MAN1C1: variants seen among roughly 807,000 people sequenced by gnomAD.
The protein encoded by MAN1C1 is mannosidase alpha class 1C member 1, also known as mannosyl-oligosaccharide 1,2-alpha-mannosidase IC.
In MAN1C1, 49 loss-of-function variants were observed where a neutral mutation model predicts 71.5. The ratio of observed to expected loss-of-function variants is 0.69; its 90% confidence interval spans 0.54 to 0.87. MAN1C1 has a LOEUF of 0.87. MAN1C1 is among the 40% of genes least tolerant of loss of function. The pLI is 0.00. For missense variants in MAN1C1, 743 were observed against 835.0 expected, an observed-to-expected ratio of 0.89 and a Z score of 1.36; for synonymous variants, 352 against 343.7, an observed-to-expected ratio of 1.02 and a Z score of -0.27.
chr1:25,783,797 TCCTGCCGCCGC>T lies in MAN1C1; in HGVS notation c.*13_*23del, dbSNP rs2047731083. 5 of 1,607,948 alleles carry T rather than the reference TCCTGCCGCCGC, an allele frequency of 3.1e-6. No homozygotes were observed. In the East Asian group the frequency reaches 8.9e-5, roughly 29 times the overall value. On this transcript the variant is annotated 3_prime_UTR_variant, in exon 12 of 12. Coordinates refer to ENST00000374332, the MANE Select transcript of MAN1C1 (RefSeq NM_020379.4). ...GCCTGGGGCAGACACTGACCCCATCTCCTGCCGCCGCCCTGGGGCCGCCGCAGGGATGCCTT... is the reference window on the plus strand; with the variant it reads ...GCCTGGGGCAGACACTGACCCCATCTCCTGGGGCCGCCGCAGGGATGCCTT...
chr1:25,729,483 T>C (rs2046880456), intron 2 of MAN1C1, among the ~76,000 whole-genome samples: 1 of 151,806 alleles, frequency 6.6e-6, no homozygotes, highest in South Asian at 2.1e-4. Flanking sequence ...TCTTCTTTTT[T>C]TTTTTTTTGA....
intron 1 of MAN1C1, among the ~76,000 whole-genome samples, chr1:25,667,577 A>T (rs1053401666): frequency 9.2e-5 from 14 of 151,780 alleles, no homozygotes; most frequent in Admixed American, 3.9e-4. Flanking sequence ...GTTCATCACG[A>T]TTACAGCCTT....
At chr1:25,651,064 G>A (rs923493282) in intron 1 of MAN1C1, among the ~76,000 whole-genome samples, 3 of 152,178 alleles carry the variant, frequency 2.0e-5, no homozygotes, top group Non-Finnish European at 2.9e-5. Context: ...AGCTTGGTAG[G>A]AGAGATTGCC....
intron 1 of MAN1C1, among the ~76,000 whole-genome samples, chr1:25,675,879 A>T (rs780807056): frequency 6.6e-6 from 1 of 152,218 alleles, no homozygotes; most frequent in Non-Finnish European, 1.5e-5. Flanking sequence ...ACTGAGACTT[A>T]CAGGGGTTAA....
chr1:25,644,512 A>AT (rs1412655325), intron 1 of MAN1C1: 2 of 91,052 alleles, frequency 2.2e-5, no homozygotes, highest in African/African-American at 1.7e-4. Flanking sequence ...ATATATATAT[A>AT]TATATATTTT....
At chr1:25,653,259 T>C (rs1433653462) in intron 1 of MAN1C1, among the ~76,000 whole-genome samples, 1 of 152,038 alleles carries the variant, frequency 6.6e-6, no homozygotes, top group Non-Finnish European at 1.5e-5. Flanking sequence ...ATTAATTTTT[T>C]GTAGAGGTGG....
At chr1:25,647,960 C>A (rs1046668525) in intron 1 of MAN1C1, among the ~76,000 whole-genome samples, 3 of 152,158 alleles carry the variant, frequency 2.0e-5, no homozygotes, top group African/African-American at 7.2e-5. Flanking sequence ...GGGCTATCCT[C>A]CCACCCCTTG....
At chr1:25,708,621 A>G (rs932535524) in intron 2 of MAN1C1, among the ~76,000 whole-genome samples, 2 of 152,340 alleles carry the variant, frequency 1.3e-5, no homozygotes, top group Admixed American at 1.3e-4. Flanking sequence ...ACAGTGGCTC[A>G]TGCCTGTAAT....
At chr1:25,765,781 A>G (rs749915364) in intron 7 of MAN1C1, among the ~76,000 whole-genome samples, 19 of 152,080 alleles carry the variant, frequency 1.2e-4, no homozygotes, top group Non-Finnish European at 2.6e-4. Context: ...TTTCCTTCCA[A>G]CCTGAACCTC....
At chr1:25,720,853 G>A (rs1417347396) in intron 2 of MAN1C1, among the ~76,000 whole-genome samples, 1 of 152,190 alleles carries the variant, frequency 6.6e-6, no homozygotes, top group East Asian at 1.9e-4. Flanking sequence ...GGGTTGTGGT[G>A]TGAGGTAGGA....
At chr1:25,728,131 C>CA (rs1295905626) in intron 2 of MAN1C1, among the ~76,000 whole-genome samples, 3 of 152,204 alleles carry the variant, frequency 2.0e-5, no homozygotes, top group African/African-American at 7.2e-5. Flanking sequence ...GAGCATCTCT[C>CA]AAAGGGCTGA....
intron 6 of MAN1C1, chr1:25,759,820 A>G (rs2047337807): frequency 6.6e-6 from 1 of 152,132 alleles, no homozygotes; most frequent in Non-Finnish European, 1.5e-5. Flanking sequence ...AGAGCTGTTC[A>G]GCCTCTTCTT....
intron 2 of MAN1C1, among the ~76,000 whole-genome samples, chr1:25,696,902 C>T (rs994703967): frequency 6.6e-6 from 1 of 152,244 alleles, no homozygotes; most frequent in African/African-American, 2.4e-5. Context: ...CTGCCTCAGC[C>T]TCCCACAGTG....
intron 1 of MAN1C1, 89 bp from the exon 2 acceptor site, chr1:25,686,351 A>T (rs2046230324): frequency 9.4e-7 from 1 of 1,061,488 alleles, no homozygotes; most frequent in Non-Finnish European, 1.4e-6. Flanking sequence ...TAGTTTAAAA[A>T]CACGTTGCAA....
chr1:25,776,656 C>T lies in MAN1C1; in HGVS notation c.1258-1449C>T, dbSNP rs1216348327. On this transcript the variant is annotated intron_variant, in intron 8 of 11. Transcript: ENST00000374332. The surrounding 1 kb of genome is among the most constrained non-coding windows in gnomAD (Gnocchi z 4.3). ...GCAGAGTCCAGGCTCCTCTCCAGCA[C>T]ACCTGTAGCCCCAGTACCTAGCACA... is the stretch of plus-strand genomic sequence containing the variant. 6.6e-6 allele frequency among the ~76,000 whole-genome samples: 1 copy of T among 151,280 alleles called. No homozygotes were observed. Among genetic ancestry groups the T allele is most frequent in the African/African-American group, 2.5e-5 (1 of 40,568 alleles).
At chr1:25,668,650 G>A (rs1403698432) in intron 1 of MAN1C1, among the ~76,000 whole-genome samples, 2 of 151,626 alleles carry the variant, frequency 1.3e-5, no homozygotes, top group African/African-American at 4.9e-5. Flanking sequence ...CCGCCTCCTG[G>A]GTTCACGTCA....
chr1:25,683,037 C>CAAAA (rs1181300274), intron 1 of MAN1C1, among the ~76,000 whole-genome samples: 3 of 98,172 alleles, frequency 3.1e-5, no homozygotes, highest in African/African-American at 7.6e-5. Context: ...GACTCCATCT[C>CAAAA]AAAAAAAAAA....
chr1:25,712,800 C>T (rs1353042972), intron 2 of MAN1C1, among the ~76,000 whole-genome samples: 3 of 152,180 alleles, frequency 2.0e-5, no homozygotes, highest in Non-Finnish European at 4.4e-5. Flanking sequence ...TGGGCATCGG[C>T]TGTGTCTCAT....
At chr1:25,754,358 G>T (rs2047256569) in intron 5 of MAN1C1, among the ~76,000 whole-genome samples, 1 of 152,202 alleles carries the variant, frequency 6.6e-6, no homozygotes, top group Non-Finnish European at 1.5e-5. Context: ...AGGACCCATG[G>T]CTCCGATCAC....
Sources: allele counts gnomAD v4.1 joint callset (sites outside exome capture counted in the v4.1 genomes callset), GRCh38; gene constraint gnomAD v4.1.1; non-coding constraint Gnocchi (gnomAD v3.1); transcripts MANE v1.5; gene names NCBI Gene and HGNC (gene_info 2026-07-23, HGNC 2026-07-21).